LARP4B: variants seen among roughly 807,000 people sequenced by gnomAD.
The protein encoded by LARP4B is la-related protein 4B.
Under a neutral mutation model 89.8 loss-of-function variants are expected in LARP4B, and 12 were observed. The ratio of observed to expected loss-of-function variants is 0.13; its 90% CI spans 0.09 to 0.22. The LOEUF (loss-of-function observed/expected upper bound fraction) is 0.22. Ranked by LOEUF, LARP4B falls within the 10% of genes least tolerant of loss-of-function variation. The pLI, the probability that LARP4B is intolerant of heterozygous loss-of-function variation, is 1.00. For synonymous variants in LARP4B, 367 were observed against 363.3 expected (o/e 1.01, Z -0.12); for missense variants, 757 against 947.7 (o/e 0.80, Z 2.64).
At chr10:927,007 T>A (rs1437541926) in intron 1 of LARP4B, among the ~76,000 whole-genome samples, 1 of 148,998 alleles carries the variant, frequency 6.7e-6, no homozygotes, top group African/African-American at 2.5e-5. Context: ...GCCAGTGCGC[T>A]CCAGCCTGGG....
chr10:901,853 T>C (rs1836353615), intron 1 of LARP4B, among the ~76,000 whole-genome samples: 1 of 152,194 alleles, frequency 6.6e-6, no homozygotes, highest in Non-Finnish European at 1.5e-5. Flanking sequence ...ATTTATAGTT[T>C]GAGTTGGTTC....
chr10:947,724 C>T, the LARP4B span, among the ~76,000 whole-genome samples: 1 of 152,074 alleles, frequency 6.6e-6, no homozygotes, highest in Non-Finnish European at 1.5e-5. Flanking sequence ...CAGGTTCAAG[C>T]AATTCTCCTG....
chr10:835,355 C>T (rs1033664063), intron 8 of LARP4B, among the ~76,000 whole-genome samples: 2 of 152,182 alleles, frequency 1.3e-5, no homozygotes, highest in South Asian at 2.1e-4. Context: ...TGAACCGCAA[C>T]GTCCATCTCC....
chr10:965,275 C>T, the LARP4B span, among the ~76,000 whole-genome samples: 1 of 152,176 alleles, frequency 6.6e-6, no homozygotes, highest in African/African-American at 2.4e-5. Context: ...CGGAACGTCC[C>T]AAGGACAGAA....
chr10:938,845 G>C, the LARP4B span, among the ~76,000 whole-genome samples: 1 of 152,186 alleles, frequency 6.6e-6, no homozygotes, highest in Admixed American at 6.5e-5. Flanking sequence ...TTATCTTGTA[G>C]AGACACATTC....
chr10:906,794 C>T (rs1187266372), intron 1 of LARP4B, among the ~76,000 whole-genome samples: 1 of 152,188 alleles, frequency 6.6e-6, no homozygotes, highest in East Asian at 1.9e-4. Context: ...CTCAGGTGCC[C>T]AAGGCAGAAA....
intron 1 of LARP4B, among the ~76,000 whole-genome samples, chr10:901,171 T>A (rs1836334325): frequency 1.3e-5 from 2 of 152,080 alleles, no homozygotes; most frequent in Admixed American, 1.3e-4. Flanking sequence ...CGCCTCGGCC[T>A]CCCAAAGTGC....
chr10:945,450 G>T, the LARP4B span, among the ~76,000 whole-genome samples: 1 of 151,814 alleles, frequency 6.6e-6, no homozygotes, highest in Non-Finnish European at 1.5e-5. Flanking sequence ...ACTTTGGGAG[G>T]CCAAGGCGGG....
At chr10:980,151 C>T in the LARP4B span, among the ~76,000 whole-genome samples, 1 of 152,238 alleles carries the variant, frequency 6.6e-6, no homozygotes, top group South Asian at 2.1e-4. Context: ...CCAGGGCACA[C>T]GGCTGCAAGG....
rs768823716 is a variant in LARP4B, at chr10:864,126, G to T, written c.286C>A (p.Gln96Lys). 10 of 1,614,152 alleles carry T rather than the reference G, an allele frequency of 6.2e-6. No homozygotes were observed. The highest frequency in any genetic ancestry group is 8.5e-6 in the Non-Finnish European group (10 of 1,180,010). Residue 96 changes from glutamine (Q) to lysine (K), a missense_variant, in exon 4 of 18, where the codon CAG (glutamine) becomes AAG (lysine). Transcript: ENST00000316157. ...ACCACGGCCATGCTCAACTTACCCT[G>T]CGGGCCACGGTCTGCGTGGTGGCCA... is the stretch of plus-strand genomic sequence containing the variant. ...VAGHHADRGPQGSDANGDGDQ... is the reference protein window; with the variant it reads ...VAGHHADRGPKGSDANGDGDQ...
chr10:821,954 G>A (rs967953195), intron 13 of LARP4B, among the ~76,000 whole-genome samples: 1 of 152,030 alleles, frequency 6.6e-6, no homozygotes, highest in African/African-American at 2.4e-5. Context: ...CCAACCTCCT[G>A]TAGGAACAGG....
At chr10:962,685 T>A in the LARP4B span, among the ~76,000 whole-genome samples, 2 of 152,100 alleles carry the variant, frequency 1.3e-5, no homozygotes, top group Non-Finnish European at 2.9e-5. Flanking sequence ...AAAAATAATA[T>A]CAAGTAGGCC....
the LARP4B span, among the ~76,000 whole-genome samples, chr10:970,285 TGTCACTCCCAGCA>T: frequency 3.3e-5 from 5 of 152,202 alleles, no homozygotes; most frequent in African/African-American, 7.2e-5. Context: ...GTCTAAGCAT[TGTCACTCCCAGCA>T]GTAGGAGAGT....
chr10:829,348 G>A, intron 11 of LARP4B, 37 bp downstream of exon 11: 1 of 1,507,308 alleles, frequency 6.6e-7, no homozygotes, highest in Non-Finnish European at 9.0e-7. Flanking sequence ...CTAGCATAGT[G>A]TCTACAACAT....
At chr10:909,167 A>AGGAG (rs1564441648) in intron 1 of LARP4B, among the ~76,000 whole-genome samples, 179 of 151,738 alleles carry the variant, frequency 1.2e-3, no homozygotes, top group African/African-American at 4.1e-3. Flanking sequence ...GGTGGTGGGC[A>AGGAG]CTTGTAGTCC....
intron 1 of LARP4B, among the ~76,000 whole-genome samples, chr10:922,254 G>A (rs1382813708): frequency 1.3e-5 from 2 of 152,224 alleles, no homozygotes; most frequent in African/African-American, 4.8e-5. Context: ...GAGAGGAGGT[G>A]GAGCTCAGGC....
chr10:891,066 C>A (rs1211128463), intron 1 of LARP4B, among the ~76,000 whole-genome samples: 4 of 151,914 alleles, frequency 2.6e-5, no homozygotes, highest in African/African-American at 9.7e-5. Context: ...TTATTTAATA[C>A]CTGTATTTTT....
intron 1 of LARP4B, among the ~76,000 whole-genome samples, chr10:886,818 A>G (rs925908919): frequency 2.0e-5 from 3 of 152,136 alleles, no homozygotes; most frequent in Non-Finnish European, 4.4e-5. Flanking sequence ...CGCCGGGCAC[A>G]GTGGCTCAAG....
intron 5 of LARP4B, among the ~76,000 whole-genome samples, chr10:862,256 T>TAAAAAAAAAAAAAAAAAAAAAAAA (rs10661482): frequency 5.9e-5 from 5 of 84,412 alleles, no homozygotes; most frequent in African/African-American, 2.1e-4. Context: ...CCACTGAAGT[T>TAAAAAAAAAAAAAAAAAAAAAAAA]AAAAAAAAAA....
Sources: allele counts gnomAD v4.1 joint callset (sites outside exome capture counted in the v4.1 genomes callset), GRCh38; gene constraint gnomAD v4.1.1; transcripts MANE v1.5; gene names NCBI Gene and HGNC (gene_info 2026-07-23, HGNC 2026-07-21).